The following WDFY2 variants were observed in gnomAD, a reference collection of about 807,000 sequenced individuals.
The protein encoded by WDFY2 is WD repeat and FYVE domain containing 2.
Under a neutral mutation model 56.4 loss-of-function variants are expected in WDFY2, and 36 were observed. That is an observed-to-expected ratio of 0.64 (90% CI 0.49 to 0.84). The LOEUF (loss-of-function observed/expected upper bound fraction) is 0.84, where lower values mean the gene tolerates loss of function less well. Among genes scored for constraint, WDFY2 ranks in the 40% least tolerant of loss-of-function variants. The pLI, the probability that WDFY2 is intolerant of heterozygous loss-of-function variation, is 0.00. For missense variants in WDFY2, 444 were observed against 512.2 expected (o/e 0.87, Z 1.29); for synonymous variants, 176 against 183.7 (o/e 0.96, Z 0.34).
chr13:51,599,646 C>G (rs1954227701), intron 1 of WDFY2, among the ~76,000 whole-genome samples: 1 of 152,168 alleles, frequency 6.6e-6, no homozygotes, highest in African/African-American at 2.4e-5. Flanking sequence ...ATGTTTCTCA[C>G]CCTTCTTACT....
At chr13:51,713,012 G>A (rs1319770534) in intron 4 of WDFY2, among the ~76,000 whole-genome samples, 2 of 152,024 alleles carry the variant, frequency 1.3e-5, no homozygotes, top group Non-Finnish European at 2.9e-5. Flanking sequence ...AAAGCTCCAG[G>A]CCCACATGCC....
At chr13:51,603,649 A>G (rs1233777751) in intron 1 of WDFY2, among the ~76,000 whole-genome samples, 1 of 152,232 alleles carries the variant, frequency 6.6e-6, no homozygotes, top group Non-Finnish European at 1.5e-5. Flanking sequence ...CAAAAGCAGC[A>G]TGGAAGAAGG....
chr13:51,757,262 A>G (rs1953415794), intron 10 of WDFY2, among the ~76,000 whole-genome samples: 6 of 152,200 alleles, frequency 3.9e-5, no homozygotes. Flanking sequence ...GATGAAATTA[A>G]TGAGAGTTTT....
intron 1 of WDFY2, among the ~76,000 whole-genome samples, chr13:51,602,917 C>G (rs1412999373): frequency 2.0e-5 from 3 of 152,144 alleles, no homozygotes; most frequent in Non-Finnish European, 4.4e-5. Context: ...GTTTGTAACT[C>G]TTCCCCCTAC....
chr13:51,719,214 G>A lies in WDFY2; in HGVS notation c.351G>A (p.Val117=), dbSNP rs1311129266. The A allele has an allele frequency of 2.5e-6, 4 of 1,614,108 alleles. No homozygotes were observed. The highest frequency in any genetic ancestry group is 2.5e-6 in the Non-Finnish European group (3 of 1,180,062). Reference sequence around the variant, plus strand: ...GGTTTTCAGCGCATCAGAGCAGAGTGACGATGATCCTGTTTGTCCTGGAGC... The same window carrying A: ...GGTTTTCAGCGCATCAGAGCAGAGTAACGATGATCCTGTTTGTCCTGGAGC... ...VKNYQAHQSR[V]TMILFVLELE... The change falls in exon 5 of 12, where the codon GTG becomes GTA. Residue 117 remains valine, a synonymous_variant. Transcript: ENST00000298125.
In WDFY2 at chr13:51,756,318, T is replaced by C; in HGVS notation, c.934-14T>C. 7 of 1,609,870 alleles carry C rather than the reference T, an allele frequency of 4.3e-6. No individual in the cohort carries two copies. The highest frequency in any genetic ancestry group is 5.9e-6 in the Non-Finnish European group (7 of 1,177,900). ...GGAGCCGTGATGAGTATCTATTTTATCTCCCTCCTCCAGCACCACTGCCGC... is the reference window on the plus strand; with the variant it reads ...GGAGCCGTGATGAGTATCTATTTTACCTCCCTCCTCCAGCACCACTGCCGC... On this transcript the variant is annotated splice_polypyrimidine_tract_variant and intron_variant, in intron 9 of 11. Transcript: ENST00000298125.
chr13:51,749,756 A>G (rs1413236052), intron 7 of WDFY2, among the ~76,000 whole-genome samples: 1 of 151,750 alleles, frequency 6.6e-6, no homozygotes, highest in Non-Finnish European at 1.5e-5. Flanking sequence ...TTACTTAGAA[A>G]TTATCTAGGT....
Position 51,727,694 on chromosome 13 carries a change from C to T in WDFY2, c.502C>T (p.Arg168Trp), listed in dbSNP as rs192768560. The T allele has an allele frequency of 1.2e-4, 189 of 1,613,518 alleles. 3 individuals carry two copies. In the Admixed American group the frequency reaches 2.8e-3, roughly 24 times the overall value. The change falls in exon 6 of 12, where the codon CGG (arginine) becomes TGG (tryptophan). Residue 168 changes from arginine (R) to tryptophan (W), a missense_variant. Arg to Trp is a moderately radical substitution (Grantham distance 101). Transcript: ENST00000298125. ...ASGLQFDVET[R>W]HVFIGDHSGQ... ...TCATGACAGATTTGATGTTGAAACC[C>T]GGCATGTGTTTATCGGTGACCACTC...
intron 7 of WDFY2, among the ~76,000 whole-genome samples, chr13:51,745,040 T>A (rs1953062562): frequency 6.6e-6 from 1 of 152,246 alleles, no homozygotes; most frequent in South Asian, 2.1e-4. Context: ...TGTTGCTGAA[T>A]GTTGCTGCCA....
In WDFY2 at chr13:51,648,273, A is replaced by C. The variant is rs1341175288; in HGVS notation, c.138-12323A>C. ...TCATCTTATGCAGCACAGTGTATAGACTTCTCAGTATCAACCTAGCTTCCT... is the reference window on the plus strand; with the variant it reads ...TCATCTTATGCAGCACAGTGTATAGCCTTCTCAGTATCAACCTAGCTTCCT... On this transcript the variant is annotated intron_variant, in intron 1 of 11. Coordinates refer to ENST00000298125, the MANE Select transcript of WDFY2 (RefSeq NM_052950.4). 2.6e-5 allele frequency among the ~76,000 whole-genome samples: 4 copies of C among 152,130 alleles called. No homozygotes were observed. In the East Asian group the frequency reaches 5.8e-4, roughly 22 times the overall value.
At chr13:51,661,983 G>A (rs920446687) in intron 2 of WDFY2, among the ~76,000 whole-genome samples, 7 of 151,712 alleles carry the variant, frequency 4.6e-5, no homozygotes, top group African/African-American at 1.7e-4. Flanking sequence ...TTGTTTATTT[G>A]TTTTTGAGAT....
chr13:51,590,581 G>GT (rs1317427963), intron 1 of WDFY2: 1 of 152,180 alleles, frequency 6.6e-6, no homozygotes, highest in Non-Finnish European at 1.5e-5. Flanking sequence ...GTTGATATCT[G>GT]TAACACTAAA....
chr13:51,754,603 ATATATG>A (rs1449263065), intron 8 of WDFY2, among the ~76,000 whole-genome samples: 1 of 152,184 alleles, frequency 6.6e-6, no homozygotes, highest in African/African-American at 2.4e-5. Flanking sequence ...GCCTCTCTTC[ATATATG>A]TTAGCCATTC....
At chr13:51,606,892 G>A (rs1024893988) in intron 1 of WDFY2, among the ~76,000 whole-genome samples, 9 of 152,026 alleles carry the variant, frequency 5.9e-5, no homozygotes, top group Admixed American at 5.2e-4. Flanking sequence ...CTTTCTCATT[G>A]AATGGACAAG....
intron 3 of WDFY2, among the ~76,000 whole-genome samples, chr13:51,700,574 A>C (rs745406404): frequency 1.3e-5 from 2 of 152,238 alleles, no homozygotes; most frequent in African/African-American, 2.4e-5. Flanking sequence ...TTTATTTTAT[A>C]GAAATACTGC....
chr13:51,663,145 C>T (rs911438422), intron 2 of WDFY2, among the ~76,000 whole-genome samples: 3 of 151,586 alleles, frequency 2.0e-5, no homozygotes, highest in Non-Finnish European at 4.4e-5. Context: ...TCTCTGTCTC[C>T]AAAGAAAAAA....
At chr13:51,614,496 G>A (rs1954571706) in intron 1 of WDFY2, among the ~76,000 whole-genome samples, 2 of 152,192 alleles carry the variant, frequency 1.3e-5, no homozygotes, top group African/African-American at 2.4e-5. Context: ...GAGACCCATG[G>A]TGCTGCTGCC....
At chr13:51,626,463 A>G (rs962414428) in intron 1 of WDFY2, among the ~76,000 whole-genome samples, 1 of 152,240 alleles carries the variant, frequency 6.6e-6, no homozygotes, top group Non-Finnish European at 1.5e-5. Context: ...AGCACCTTCC[A>G]TAGCACAAGG....
intron 1 of WDFY2, among the ~76,000 whole-genome samples, chr13:51,635,072 G>A (rs1283705236): frequency 6.6e-6 from 1 of 151,994 alleles, no homozygotes; most frequent in Non-Finnish European, 1.5e-5. Flanking sequence ...CCGAGTAGCT[G>A]GGATTACAGG....
Sources: gnomAD v4.1 joint callset for allele counts (sites outside exome capture counted in the v4.1 genomes callset) on GRCh38, gnomAD v4.1.1 for gene constraint, MANE v1.5 for transcripts, NCBI Gene and HGNC (gene_info 2026-07-23, HGNC 2026-07-21) for gene names.